The following XKR4 variants were observed in gnomAD, a reference collection of about 807,000 sequenced individuals.
XKR4 encodes the protein XK-related protein 4.
In XKR4, 12 loss-of-function variants were observed where a neutral mutation model predicts 53.9. The observed-to-expected ratio is 0.22, with a 90% CI of 0.14 to 0.36. XKR4 has a LOEUF of 0.36. Ranked by LOEUF, XKR4 falls within the 10% of genes least tolerant of loss-of-function variation. XKR4 has a pLI of 1.00. For missense variants in XKR4, 799 were observed against 859.5 expected (o/e 0.93, Z 0.88); for synonymous variants, 354 against 362.4 (o/e 0.98, Z 0.26).
intron 1 of XKR4, among the ~76,000 whole-genome samples, chr8:55,137,478 A>G (rs1215216678): frequency 1.3e-5 from 2 of 152,190 alleles, no homozygotes; most frequent in Non-Finnish European, 2.9e-5. Context: ...ATAATTGGAA[A>G]GGAAAATATA....
intron 2 of XKR4, among the ~76,000 whole-genome samples, chr8:55,495,156 G>T (rs1205209226): frequency 6.6e-6 from 1 of 152,188 alleles, no homozygotes. Flanking sequence ...ACCCAGCCAG[G>T]CTTACCAGTG....
chr8:55,456,447 A>G (rs1371403391), intron 2 of XKR4, among the ~76,000 whole-genome samples: 2 of 152,126 alleles, frequency 1.3e-5, no homozygotes, highest in African/African-American at 4.8e-5. Flanking sequence ...GAAAAAAAAG[A>G]AGAAAGAAAG....
chr8:55,379,026 C>T (rs1441662369), intron 2 of XKR4, among the ~76,000 whole-genome samples: 2 of 152,198 alleles, frequency 1.3e-5, no homozygotes, highest in East Asian at 3.8e-4. Flanking sequence ...GTGTGAGTTA[C>T]TCTCTTATTC....
intron 2 of XKR4, among the ~76,000 whole-genome samples, chr8:55,434,002 C>T (rs1299450875): frequency 6.6e-6 from 1 of 152,108 alleles, no homozygotes; most frequent in Non-Finnish European, 1.5e-5. Context: ...CCACTGCACT[C>T]CAGCCTGGGC....
chr8:55,501,421 A>G (rs1806433395), intron 2 of XKR4, among the ~76,000 whole-genome samples: 1 of 152,134 alleles, frequency 6.6e-6, no homozygotes, highest in African/African-American at 2.4e-5. Flanking sequence ...GTCTTCCCAA[A>G]CTGAAATTCT....
At chr8:55,496,511 G>A (rs77005419) in intron 2 of XKR4, among the ~76,000 whole-genome samples, 1,589 of 152,226 alleles carry the variant, frequency 0.01, 16 homozygotes, top group Non-Finnish European at 0.015. Flanking sequence ...TAAAAATTAG[G>A]GCATTGATAA....
chr8:55,217,945 AAACAAAC>A (rs1385755715), intron 1 of XKR4, among the ~76,000 whole-genome samples: 1 of 152,202 alleles, frequency 6.6e-6, no homozygotes, highest in Non-Finnish European at 1.5e-5. Context: ...TCAATGGCAA[AAACAAAC>A]AACAATGATA....
At chr8:55,178,752 T>C (rs184924607) in intron 1 of XKR4, among the ~76,000 whole-genome samples, 86 of 152,280 alleles carry the variant, frequency 5.6e-4, no homozygotes, top group African/African-American at 1.9e-3. Context: ...AAACCAGAGT[T>C]GGAAAAACCT....
At chr8:55,411,387 G>A (rs78831878) in intron 2 of XKR4, among the ~76,000 whole-genome samples, 9,059 of 152,258 alleles carry the variant, frequency 0.059, 495 homozygotes, top group African/African-American at 0.14. Flanking sequence ...CTCAGTGAGC[G>A]TGAGCTTTGA....
intron 2 of XKR4, among the ~76,000 whole-genome samples, chr8:55,478,515 C>T (rs1418357752): frequency 2.0e-5 from 3 of 152,070 alleles, no homozygotes; most frequent in Non-Finnish European, 4.4e-5. Context: ...AACCAGCTAA[C>T]ATCATAATGA....
intron 2 of XKR4, among the ~76,000 whole-genome samples, chr8:55,374,493 T>C (rs1368853525): frequency 2.0e-5 from 3 of 151,970 alleles, no homozygotes; most frequent in Non-Finnish European, 2.9e-5. Flanking sequence ...AGAGACAACC[T>C]AGGGAGAGCT....
chr8:55,157,723 G>C (rs1816927568), intron 1 of XKR4, among the ~76,000 whole-genome samples: 1 of 152,110 alleles, frequency 6.6e-6, no homozygotes, highest in Non-Finnish European at 1.5e-5. Flanking sequence ...CCTTCCTTGT[G>C]TTCATATGTA....
intron 1 of XKR4, among the ~76,000 whole-genome samples, chr8:55,277,731 A>G (rs940698187): frequency 1.3e-5 from 2 of 152,168 alleles, no homozygotes; most frequent in Non-Finnish European, 2.9e-5. Flanking sequence ...ACATACACAT[A>G]TCTCCTCAAA....
rs563341857 is a variant in XKR4 at position 55,479,924 on chromosome 8, AG to A, written c.1007-43356del. On this transcript the variant is annotated intron_variant, in intron 2 of 2. Coordinates refer to ENST00000327381, the MANE Select transcript of XKR4 (RefSeq NM_052898.2). ...CAATAATCAATAGCTTACCAAGCAA[AG>A]AAAAGTCCAGGACCAGACGGATTCA... Among the ~76,000 whole-genome samples, 587 of 152,262 alleles carry A rather than the reference AG, an allele frequency of 3.9e-3. 18 individuals carry two copies. The highest frequency in any genetic ancestry group is 0.034 in the Admixed American group (514 of 15,270).
At chr8:55,376,926 CT>C (rs780746570) in intron 2 of XKR4, among the ~76,000 whole-genome samples, 1 of 147,240 alleles carries the variant, frequency 6.8e-6, no homozygotes, top group African/African-American at 2.6e-5. Flanking sequence ...CTCCATACCC[CT>C]CTCCATACAC....
At chr8:55,378,590 T>C (rs1399968843) in intron 2 of XKR4, among the ~76,000 whole-genome samples, 1 of 152,150 alleles carries the variant, frequency 6.6e-6, no homozygotes, top group South Asian at 2.1e-4. Context: ...TTCATAGACA[T>C]TGGTAATATT....
In XKR4 at chr8:55,438,489, C is replaced by G. The variant is rs1440228242; in HGVS notation, c.1006+80612C>G. Among the ~76,000 whole-genome samples the G allele has an allele frequency of 3.4e-5, 5 of 149,172 alleles. No individual in the cohort carries two copies. The East Asian group carries it at 1.0e-3, about 30-fold the overall frequency. Reference sequence around the variant, plus strand: ...CCTGTAATCCCAGCTACTCAGGAGGCTGAGGAAGGAGAATTGCTTCAACCT... The same window carrying G: ...CCTGTAATCCCAGCTACTCAGGAGGGTGAGGAAGGAGAATTGCTTCAACCT... On this transcript the variant is annotated intron_variant, in intron 2 of 2. Coordinates refer to ENST00000327381, the MANE Select transcript of XKR4 (RefSeq NM_052898.2).
At chr8:55,143,059 G>A (rs1212193981) in intron 1 of XKR4, among the ~76,000 whole-genome samples, 1 of 152,062 alleles carries the variant, frequency 6.6e-6, no homozygotes. Context: ...TTCACTCAAA[G>A]TTGAACTGAA....
intron 1 of XKR4, among the ~76,000 whole-genome samples, chr8:55,114,469 G>A (rs1430361807): frequency 1.3e-5 from 2 of 152,070 alleles, no homozygotes; most frequent in Admixed American, 6.6e-5. Flanking sequence ...GGAAGTCAGA[G>A]TCCAGAGGGT....
Sources: gnomAD v4.1 joint callset for allele counts (sites outside exome capture counted in the v4.1 genomes callset) on GRCh38, gnomAD v4.1.1 for gene constraint, MANE v1.5 for transcripts, NCBI Gene and HGNC (gene_info 2026-07-23, HGNC 2026-07-21) for gene names.